SLC1A7: variants seen among roughly 807,000 people sequenced by gnomAD.
The protein encoded by SLC1A7 is excitatory amino acid transporter 5.
Under a neutral mutation model 47.7 loss-of-function variants are expected in SLC1A7, and 40 were observed. The observed-to-expected ratio is 0.84, with a 90% CI of 0.65 to 1.09. The LOEUF is 1.09. SLC1A7 is among the 50% of genes least tolerant of loss of function. The pLI is 0.00. For missense variants in SLC1A7, 746 were observed against 769.5 expected (o/e 0.97, Z 0.36); for synonymous variants, 323 against 325.6 (o/e 0.99, Z 0.09).
chr1:53,101,368 A>T (rs1644577777), intron 5 of SLC1A7, among the ~76,000 whole-genome samples: 1 of 145,996 alleles, frequency 6.8e-6, no homozygotes, highest in Non-Finnish European at 1.5e-5. Flanking sequence ...GCTTTGGTAC[A>T]CTCACACACA....
chr1:53,135,310 G>A (rs557083795), intron 1 of SLC1A7, among the ~76,000 whole-genome samples: 1 of 152,316 alleles, frequency 6.6e-6, no homozygotes, highest in East Asian at 1.9e-4. Flanking sequence ...GTCCTGAGAA[G>A]TTCCCAGCCT....
At chr1:53,135,720 G>A (rs12402097) in intron 1 of SLC1A7, among the ~76,000 whole-genome samples, 7,613 of 152,006 alleles carry the variant, frequency 0.05, 226 homozygotes, top group Admixed American at 0.073. Context: ...TGAAACTCCA[G>A]TTTAACTGGG....
intron 4 of SLC1A7, 76 bp from the exon 5 acceptor site, chr1:53,103,644 A>G (rs1644609355): frequency 3.7e-6 from 3 of 808,358 alleles, no homozygotes; most frequent in Non-Finnish European, 5.8e-6. Flanking sequence ...CAATAATAGC[A>G]TCTTGAAGGC....
intron 7 of SLC1A7, 94 bp downstream of exon 7, chr1:53,092,460 G>A: frequency 2.2e-6 from 2 of 908,638 alleles, no homozygotes; most frequent in Non-Finnish European, 3.5e-6. Flanking sequence ...TGGCGTTTTG[G>A]TGGTTCTGTG....
chr1:53,105,680 C>T lies in SLC1A7; in HGVS notation c.474+52G>A, dbSNP rs556735484. On this transcript the variant is annotated intron_variant, in intron 4 of 10. Transcript: ENST00000371494. ...CCATGCCACTAGCCCTGCTGCCTGC[C>T]CTCCTGCCTGCTGCCCCTTCCCTCC... is the stretch of plus-strand genomic sequence containing the variant. 347 of 1,392,688 alleles carry T rather than the reference C, an allele frequency of 2.5e-4. 12 individuals are homozygous for T. In the South Asian group the frequency reaches 3.8e-3, roughly 15 times the overall value. The allele number at this position is 1,392,688 out of a possible 1,614,324, so 86.3% of individuals were successfully genotyped here.
chr1:53,134,241 C>T (rs994760049), intron 2 of SLC1A7, 109 bp downstream of exon 2: 1 of 733,658 alleles, frequency 1.4e-6, no homozygotes, highest in Admixed American at 2.3e-5. Context: ...CACACTCATC[C>T]CAGGGCCTGT....
At position 53,135,380 on chromosome 1, in the gene SLC1A7, A is replaced by G. The variant is rs79182955; in HGVS notation, c.136-951T>C. 5.4e-3 allele frequency among the ~76,000 whole-genome samples: 829 copies of G among 152,308 alleles called. 2 individuals carry two copies. Among genetic ancestry groups the G allele is most frequent in the Non-Finnish European group, 9.0e-3 (615 of 68,032 alleles). ...GGCCGCCTTGCGAGTCAGTTTCTCC[A>G]TCTGTTTTGGGTCCATTCTCTAGTG... On this transcript the variant is annotated intron_variant, in intron 1 of 10. Coordinates refer to ENST00000371494, the MANE Select transcript of SLC1A7 (RefSeq NM_006671.6).
At chr1:53,109,727 C>T (rs1644682659) in intron 3 of SLC1A7, among the ~76,000 whole-genome samples, 1 of 152,176 alleles carries the variant, frequency 6.6e-6, no homozygotes, top group African/African-American at 2.4e-5. Flanking sequence ...CCCTCACTGC[C>T]AGTGTCCCCA....
chr1:53,134,211 GCCCATAAAGGC>G lies in SLC1A7; in HGVS notation c.215+128_215+138del, dbSNP rs1269456029. Reference sequence around the variant, plus strand: ...TCAGAAGCCGGCAGCCCACGGCACTGCCCATAAAGGCCCCACGGTCACACTCATCCCAGGGC... The same window carrying G: ...TCAGAAGCCGGCAGCCCACGGCACTGCCCACGGTCACACTCATCCCAGGGC... On this transcript the variant is annotated intron_variant, in intron 2 of 10. Transcript: ENST00000371494. The G allele has an allele frequency of 9.0e-5, 53 of 591,410 alleles. 1 individual carries two copies. In the South Asian group the frequency reaches 1.1e-3, roughly 12 times the overall value. The allele number at this position is 591,410 out of a possible 1,614,324, so 36.6% of individuals were successfully genotyped here.
intron 3 of SLC1A7, 65 bp downstream of exon 3, chr1:53,114,693 G>A: frequency 2.1e-6 from 3 of 1,422,518 alleles, no homozygotes; most frequent in Non-Finnish European, 3.0e-6. Flanking sequence ...CCTGGCCTCT[G>A]GGGGACCTGG....
intron 3 of SLC1A7, among the ~76,000 whole-genome samples, chr1:53,107,041 A>G (rs1644650493): frequency 6.6e-6 from 1 of 151,416 alleles, no homozygotes; most frequent in Admixed American, 6.6e-5. Flanking sequence ...CTGTAGTCCC[A>G]GCTACTCAGG....
At chr1:53,091,646 G>A (rs539979602) in intron 7 of SLC1A7, among the ~76,000 whole-genome samples, 1 of 152,334 alleles carries the variant, frequency 6.6e-6, no homozygotes, top group East Asian at 1.9e-4. Context: ...TGCATCTGCT[G>A]CCAGGGGTGG....
chr1:53,117,258 G>A (rs777183401), intron 2 of SLC1A7, among the ~76,000 whole-genome samples: 4 of 152,200 alleles, frequency 2.6e-5, no homozygotes, highest in Non-Finnish European at 4.4e-5. Flanking sequence ...ATATCTGAGG[G>A]TTAGTGACAG....
At chr1:53,113,914 C>A (rs1201834500) in intron 3 of SLC1A7, among the ~76,000 whole-genome samples, 1 of 152,230 alleles carries the variant, frequency 6.6e-6, no homozygotes, top group East Asian at 1.9e-4. Context: ...AGCTATCGCC[C>A]CCAGGCCTGC....
rs1023429757 is a variant in SLC1A7 at position 53,093,331 on chromosome 1, GA to G, written c.797+129del. The stretch of plus-strand genomic sequence containing the variant: ...ACCCATGGAAACACATGTAGCTCCG[GA>G]GGCCCCGGCCCAGGGCTGAGCCTGG... On this transcript the variant is annotated intron_variant, in intron 6 of 10. Transcript: ENST00000371494. 2.6e-4 allele frequency: 190 copies of G among 738,080 alleles called. No individual in the cohort carries two copies. In the African/African-American group the frequency reaches 2.7e-3, roughly 10 times the overall value. The allele number at this position is 738,080 out of a possible 1,614,324, so 45.7% of individuals were successfully genotyped here.
rs1420596735 is a variant in SLC1A7 at position 53,103,329 on chromosome 1, A to G, written c.697+17T>C. The G allele has an allele frequency of 1.3e-6, 2 of 1,562,890 alleles. No homozygotes were observed. Among genetic ancestry groups the G allele is most frequent in the Non-Finnish European group, 1.7e-6 (2 of 1,151,686 alleles). ...GCCCGGCTCCACGGCACTGCTGGGC[A>G]GGTGGGCAGCACATACCCATGGTGG... On this transcript the variant is annotated intron_variant, in intron 5 of 10. Transcript: ENST00000371494.
chr1:53,136,662 ATATATTTT>A (rs1258775538), intron 1 of SLC1A7, among the ~76,000 whole-genome samples: 28 of 48,696 alleles, frequency 5.7e-4, no homozygotes, highest in African/African-American at 2.2e-3. Context: ...TTATATATAT[ATATATTTT>A]TTTTTTTTTT....
intron 2 of SLC1A7, among the ~76,000 whole-genome samples, chr1:53,131,274 G>T (rs570220645): frequency 6.6e-6 from 1 of 152,196 alleles, no homozygotes; most frequent in African/African-American, 2.4e-5. Flanking sequence ...TCACATGATC[G>T]CTTGTGGTGG....
intron 4 of SLC1A7, 164 bp from the exon 5 acceptor site, chr1:53,103,732 T>C: frequency 1.9e-6 from 1 of 523,264 alleles, no homozygotes; most frequent in Non-Finnish European, 3.3e-6. Context: ...CTATCAATAT[T>C]TTACCCAAAG....
Sources: allele counts gnomAD v4.1 joint callset (sites outside exome capture counted in the v4.1 genomes callset), GRCh38; gene constraint gnomAD v4.1.1; transcripts MANE v1.5; gene names NCBI Gene and HGNC (gene_info 2026-07-23, HGNC 2026-07-21).